RABGAP1L: variants seen among roughly 807,000 people sequenced by gnomAD.
RABGAP1L encodes the protein RAB GTPase activating protein 1 like, also known as rab GTPase-activating protein 1-like.
Under a neutral mutation model 137.7 loss-of-function variants are expected in RABGAP1L, and 63 were observed. That is an observed-to-expected ratio of 0.46 (90% CI 0.37 to 0.56). The LOEUF is 0.56. RABGAP1L is among the 20% of genes least tolerant of loss of function. The pLI, the probability that RABGAP1L is intolerant of heterozygous loss-of-function variation, is 0.00. For synonymous variants in RABGAP1L, 431 were observed against 433.7 expected, an observed-to-expected ratio of 0.99 and a Z score of 0.08; for missense variants, 1,095 against 1,244.0, an observed-to-expected ratio of 0.88 and a Z score of 1.80.
intron 13 of RABGAP1L, among the ~76,000 whole-genome samples, chr1:174,463,433 G>C (rs191476088): frequency 6.8e-6 from 1 of 147,406 alleles, no homozygotes; most frequent in Admixed American, 7.1e-5. Context: ...AACACCGCAT[G>C]TTCTCACTCA....
At chr1:174,656,886 C>T (rs1268709745) in intron 14 of RABGAP1L, among the ~76,000 whole-genome samples, 1 of 152,140 alleles carries the variant, frequency 6.6e-6, no homozygotes, top group Admixed American at 6.5e-5. Context: ...TTGTATTACT[C>T]AACCATTCAT....
intron 13 of RABGAP1L, among the ~76,000 whole-genome samples, chr1:174,637,127 G>T (rs1056623519): frequency 4.6e-5 from 7 of 152,060 alleles, no homozygotes; most frequent in Non-Finnish European, 8.8e-5. Context: ...CTCCATCCCT[G>T]CCCCTTCTCC....
At chr1:174,374,704 T>C (rs1395814094) in intron 12 of RABGAP1L, among the ~76,000 whole-genome samples, 1 of 152,218 alleles carries the variant, frequency 6.6e-6, no homozygotes, top group African/African-American at 2.4e-5. Context: ...CCAGTTGTAG[T>C]GCTAACTTGA....
intron 13 of RABGAP1L, among the ~76,000 whole-genome samples, chr1:174,462,973 C>T (rs896460459): frequency 6.6e-6 from 1 of 152,196 alleles, no homozygotes; most frequent in East Asian, 1.9e-4. Context: ...TACCATCTCA[C>T]ACCAGTTAGA....
chr1:174,614,024 G>A (rs1206469496), intron 13 of RABGAP1L, among the ~76,000 whole-genome samples: 1 of 152,158 alleles, frequency 6.6e-6, no homozygotes, highest in African/African-American at 2.4e-5. Context: ...TTGCCAGTCT[G>A]TGTCTTTTAA....
chr1:174,252,340 G>C, intron 6 of RABGAP1L, 140 bp from the exon 7 acceptor site: 1 of 939,408 alleles, frequency 1.1e-6, no homozygotes, highest in East Asian at 3.1e-5. Context: ...TGCTGCCTGT[G>C]GCAAGGTGAG....
intron 18 of RABGAP1L, among the ~76,000 whole-genome samples, chr1:174,778,125 C>T (rs2148752765): frequency 6.6e-6 from 1 of 152,074 alleles, no homozygotes; most frequent in Non-Finnish European, 1.5e-5. Context: ...GATGAAATTG[C>T]TCAAAACCAG....
At position 174,328,000 on chromosome 1, in the gene RABGAP1L, T is replaced by TACAC. The variant is rs1175192431; in HGVS notation, c.1465+22874_1465+22875insCACA. Among the ~76,000 whole-genome samples the TACAC allele has an allele frequency of 5.8e-5, 6 of 104,142 alleles. 1 individual carries two copies. The highest frequency in any genetic ancestry group is 3.1e-4 in the African/African-American group (6 of 19,484). 68.3% of individuals were successfully genotyped at this position (104,142 alleles called of 152,430 possible). ...ATATACACACACATATATATATATATATATATATATATATATATATATATA... is the reference window on the plus strand; with the variant it reads ...ATATACACACACATATATATATATATACACATATATATATATATATATATATATA... On this transcript the variant is annotated intron_variant, in intron 11 of 25. Transcript: ENST00000681986.
At chr1:174,914,747 T>C (rs554063372) in intron 19 of RABGAP1L, among the ~76,000 whole-genome samples, 2 of 152,304 alleles carry the variant, frequency 1.3e-5, no homozygotes, top group South Asian at 4.1e-4. Context: ...CACAGAGTTA[T>C]GCATCCATCA....
At chr1:174,512,084 TA>T (rs1350894214) in intron 13 of RABGAP1L, among the ~76,000 whole-genome samples, 1 of 152,150 alleles carries the variant, frequency 6.6e-6, no homozygotes, top group Non-Finnish European at 1.5e-5. Flanking sequence ...GTGATCAGGG[TA>T]ATTAACATAT....
chr1:174,478,087 A>G (rs1658689370), intron 13 of RABGAP1L, among the ~76,000 whole-genome samples: 1 of 152,096 alleles, frequency 6.6e-6, no homozygotes, highest in African/African-American at 2.4e-5. Context: ...TTGTCAAAGA[A>G]TAATATTTAT....
At chr1:174,986,164 G>T (rs1671575624) in intron 24 of RABGAP1L, among the ~76,000 whole-genome samples, 2 of 152,206 alleles carry the variant, frequency 1.3e-5, no homozygotes, top group South Asian at 4.1e-4. Context: ...TGGCCAGGCT[G>T]GTCTCGAACT....
chr1:174,521,294 CTG>C (rs1293693224), intron 13 of RABGAP1L, among the ~76,000 whole-genome samples: 2 of 152,122 alleles, frequency 1.3e-5, no homozygotes, highest in African/African-American at 4.8e-5. Flanking sequence ...ATGGTAAAAT[CTG>C]TCATGTGAGT....
At chr1:174,500,080 CTTTT>C (rs1314254264) in intron 13 of RABGAP1L, among the ~76,000 whole-genome samples, 2 of 135,568 alleles carry the variant, frequency 1.5e-5, no homozygotes, top group Admixed American at 7.4e-5. Flanking sequence ...CAGGCTTCTT[CTTTT>C]TTTTTTTTTT....
chr1:174,372,382 G>A (rs1685177334), intron 12 of RABGAP1L, among the ~76,000 whole-genome samples: 1 of 152,052 alleles, frequency 6.6e-6, no homozygotes, highest in African/African-American at 2.4e-5. Flanking sequence ...CAGCAGTTTG[G>A]TTGGTTATAG....
At chr1:174,467,683 A>G (rs1048898291) in intron 13 of RABGAP1L, among the ~76,000 whole-genome samples, 1 of 152,154 alleles carries the variant, frequency 6.6e-6, no homozygotes, top group African/African-American at 2.4e-5. Context: ...ATTGAGCATC[A>G]GTATTTAAGT....
Position 174,946,936 on chromosome 1 carries a change from ATATATG to A in RABGAP1L, c.2341-10519_2341-10514del, listed in dbSNP as rs1390973652. Among the ~76,000 whole-genome samples, 369 of 65,016 alleles carry A rather than the reference ATATATG, an allele frequency of 5.7e-3. 5 individuals are homozygous for A. The highest frequency in any genetic ancestry group is 0.027 in the African/African-American group (332 of 12,274). 42.7% of individuals were successfully genotyped at this position (65,016 alleles called of 152,430 possible). A position where few individuals can be genotyped will look rare whatever the true frequency, so the allele number is the denominator to read the frequency against. On this transcript the variant is annotated intron_variant, in intron 19 of 25. Coordinates refer to ENST00000681986, the MANE Select transcript of RABGAP1L (RefSeq NM_001366446.1). ...AAAAAAAATATATATATATATATAT[ATATATG>A]TGTGTGTGTGTGTGTGTGTGTGTGT...
intron 18 of RABGAP1L, among the ~76,000 whole-genome samples, chr1:174,795,990 T>C (rs1413307177): frequency 6.6e-6 from 1 of 152,218 alleles, no homozygotes; most frequent in Non-Finnish European, 1.5e-5. Flanking sequence ...CTAACCTGTA[T>C]TGTCTCAGAC....
At chr1:174,229,953 A>C (rs1455967264) in intron 3 of RABGAP1L, among the ~76,000 whole-genome samples, 1 of 152,096 alleles carries the variant, frequency 6.6e-6, no homozygotes, top group African/African-American at 2.4e-5. Context: ...TTTAATGATC[A>C]CCATTCTAAC....
Sources: allele counts gnomAD v4.1 joint callset (sites outside exome capture counted in the v4.1 genomes callset), GRCh38; gene constraint gnomAD v4.1.1; transcripts MANE v1.5; gene names NCBI Gene and HGNC (gene_info 2026-07-23, HGNC 2026-07-21).